Variants in SYCP2L observed in about 807,000 individuals in gnomAD.
SYCP2L encodes the protein synaptonemal complex protein 2 like, also known as synaptonemal complex protein 2-like.
In SYCP2L, 98 loss-of-function variants were observed where a neutral mutation model predicts 125.8. That is an observed-to-expected ratio of 0.78 (90% CI 0.66 to 0.92). The LOEUF is 0.92. Ranked by LOEUF, SYCP2L falls within the 40% of genes least tolerant of loss-of-function variation. The pLI is 0.00. For synonymous variants in SYCP2L, 317 were observed against 325.4 expected (o/e 0.97, Z 0.28); for missense variants, 842 against 936.4 (o/e 0.90, Z 1.32).
At chr6:10,945,639 G>A (rs1362754302) in intron 23 of SYCP2L, among the ~76,000 whole-genome samples, 4 of 151,968 alleles carry the variant, frequency 2.6e-5, no homozygotes, top group Non-Finnish European at 5.9e-5. Context: ...GTGTGATGGT[G>A]CATGCCTGTA....
At chr6:10,892,169 G>C (rs1179787017) in intron 2 of SYCP2L, among the ~76,000 whole-genome samples, 1 of 152,214 alleles carries the variant, frequency 6.6e-6, no homozygotes, top group Admixed American at 6.5e-5. Context: ...AAGGCCCCGA[G>C]GCAAGGAAGA....
At chr6:10,911,955 G>GCC (rs1236588366) in intron 12 of SYCP2L, among the ~76,000 whole-genome samples, 3 of 120,330 alleles carry the variant, frequency 2.5e-5, no homozygotes, top group Non-Finnish European at 3.3e-5. Flanking sequence ...AGGCTGGAGT[G>GCC]CCATCATGTG....
At chr6:10,910,757 G>A (rs1207753421) in intron 11 of SYCP2L, 67 bp from the exon 12 acceptor site, 30 of 1,539,590 alleles carry the variant, frequency 1.9e-5, no homozygotes, top group East Asian at 1.6e-4. Context: ...TGCTTGTTGC[G>A]GAACGTCTGT....
chr6:10,936,129 A>G (rs1486197863), intron 21 of SYCP2L, among the ~76,000 whole-genome samples: 2 of 152,248 alleles, frequency 1.3e-5, no homozygotes, highest in African/African-American at 2.4e-5. Context: ...TTCAATAACA[A>G]TCTGTTAGTG....
rs1166905930 is a variant in SYCP2L, at chr6:10,961,527, C to A, written c.2383C>A (p.Leu795Met). ...LEFWGKQSAD[L>M]QSFCDLQVLR... ...ATTCTGGGGGAAACAGTCTGCTGAT[C>A]TGCAATCTTTCTGTGATCTGCAAGT... The change falls in exon 28 of 30, where the codon CTG becomes ATG. Residue 795 changes from leucine (L) to methionine (M), a missense_variant. Leu to Met is a conservative substitution (Grantham distance 15). Transcript: ENST00000283141. 1 of 1,614,176 alleles carries A rather than the reference C, an allele frequency of 6.2e-7. No homozygotes were observed. The highest frequency in any genetic ancestry group is 2.2e-5 in the East Asian group (1 of 44,880).
intron 25 of SYCP2L, 31 bp downstream of exon 25, chr6:10,956,273 G>A (rs1243136284): frequency 6.7e-7 from 1 of 1,494,634 alleles, no homozygotes; most frequent in Non-Finnish European, 9.3e-7. Flanking sequence ...AAAAACTAGA[G>A]CGTTATGAAT....
chr6:10,923,682 T>C (rs1379432668), intron 14 of SYCP2L, among the ~76,000 whole-genome samples: 4 of 26,234 alleles, frequency 1.5e-4, no homozygotes, highest in African/African-American at 4.0e-4. Context: ...TTTTTCTTTT[T>C]CTTTTTTTTT....
In SYCP2L at chr6:10,962,058, C is replaced by T. The variant is rs147761178; in HGVS notation, c.2414+500C>T. Among the ~76,000 whole-genome samples the T allele has an allele frequency of 7.9e-3, 1,208 of 152,262 alleles. 19 individuals carry two copies. The highest frequency in any genetic ancestry group is 0.027 in the African/African-American group (1,110 of 41,544). On this transcript the variant is annotated intron_variant, in intron 28 of 29. Transcript: ENST00000283141. ...AGCTCTTTCTATCCATTTGGGATAT[C>T]GTCCCATCTTCTGGAGCCCAAGGAA... is the stretch of plus-strand genomic sequence containing the variant.
At chr6:10,947,408 A>G (rs756155622) in intron 23 of SYCP2L, among the ~76,000 whole-genome samples, 1 of 152,042 alleles carries the variant, frequency 6.6e-6, no homozygotes, top group Non-Finnish European at 1.5e-5. Flanking sequence ...AAACCATCCC[A>G]CACAAGAGTA....
chr6:10,912,011 C>T lies in SYCP2L; in HGVS notation c.919-662C>T, dbSNP rs185366089. On this transcript the variant is annotated intron_variant, in intron 12 of 29. Transcript: ENST00000283141. The surrounding 1 kb of genome is among the most constrained non-coding windows in gnomAD (Gnocchi z 4.1). ...CCGCCTCCCGGGTTCATGCCATTCT[C>T]CTGCCTCAGCCTCCCGAGTATACTT... Among the ~76,000 whole-genome samples, 57 of 145,508 alleles carry T rather than the reference C, an allele frequency of 3.9e-4. No individual in the cohort carries two copies. Among genetic ancestry groups the T allele is most frequent in the African/African-American group, 1.3e-3 (52 of 39,442 alleles).
intron 14 of SYCP2L, among the ~76,000 whole-genome samples, chr6:10,914,609 A>G (rs1780659342): frequency 1.4e-4 from 2 of 14,250 alleles, no homozygotes; most frequent in Non-Finnish European, 3.3e-4. Context: ...GATCATTTTC[A>G]TTGATTTTAC....
At chr6:10,905,280 AATT>A (rs931943155) in intron 8 of SYCP2L, among the ~76,000 whole-genome samples, 5 of 151,804 alleles carry the variant, frequency 3.3e-5, no homozygotes, top group Non-Finnish European at 7.4e-5. Flanking sequence ...TACATCTCTA[AATT>A]ATTATTATTA....
At chr6:10,922,029 T>G (rs570790403) in intron 14 of SYCP2L, among the ~76,000 whole-genome samples, 2 of 152,160 alleles carry the variant, frequency 1.3e-5, no homozygotes, top group South Asian at 4.2e-4. Flanking sequence ...GTTTTTTGTT[T>G]GTTTGTTTGT....
chr6:10,906,142 T>G (rs548899078), intron 9 of SYCP2L, 88 bp downstream of exon 9: 2 of 740,564 alleles, frequency 2.7e-6, no homozygotes, highest in Admixed American at 4.5e-5. Flanking sequence ...GGGGAATAAA[T>G]TATGGTTAAA....
chr6:10,938,312 A>G (rs1016694668), intron 21 of SYCP2L, among the ~76,000 whole-genome samples: 4 of 152,234 alleles, frequency 2.6e-5, no homozygotes, highest in African/African-American at 9.6e-5. Context: ...TTAAATTCAT[A>G]GAATCATTTC....
chr6:10,911,894 CT>C (rs58800098), intron 12 of SYCP2L, among the ~76,000 whole-genome samples: 1,816 of 50,074 alleles, frequency 0.036, 93 homozygotes, highest in African/African-American at 0.12. Flanking sequence ...GGAATAAAAG[CT>C]TTTTTTTTTT....
intron 6 of SYCP2L, among the ~76,000 whole-genome samples, chr6:10,901,319 C>T (rs758016045): frequency 1.1e-3 from 174 of 152,264 alleles, no homozygotes; most frequent in Non-Finnish European, 1.9e-3. Flanking sequence ...AGCTTTTCAT[C>T]GTTTGAAGAT....
At position 10,953,049 on chromosome 6, in the gene SYCP2L, GA is replaced by G. The variant is rs554909004; in HGVS notation, c.1955-2065del. Among the ~76,000 whole-genome samples, 465 of 152,222 alleles carry G rather than the reference GA, an allele frequency of 3.1e-3. 1 individual carries two copies. Among genetic ancestry groups the G allele is most frequent in the Non-Finnish European group, 4.9e-3 (336 of 68,012 alleles). ...GCAGAATGGGAATGTGATCTCTAAT[GA>G]ATTTTTCAGTTTATGAAAGTACTAT... is the stretch of plus-strand genomic sequence containing the variant. On this transcript the variant is annotated intron_variant, in intron 23 of 29. Transcript: ENST00000283141.
chr6:10,910,862 A>G lies in SYCP2L; in HGVS notation c.911A>G (p.Glu304Gly). Residue 304 changes from glutamate (E) to glycine (G), a missense_variant, in exon 12 of 30, where the codon GAG (glutamate) becomes GGG (glycine). Physicochemically the swap from Glu to Gly is moderately conservative, Grantham distance 98 (BLOSUM62 -2). Coordinates refer to ENST00000283141, the MANE Select transcript of SYCP2L (RefSeq NM_001040274.3). ...CCGTGTATTGCTGCTTTTGCTGATG[A>G]GCATGAGGTATGTTCATCCCTCTTG... ...SFPCIAAFAD[E>G]HEMRKPADEK... is the part of the protein sequence containing the mutation. 6.2e-7 allele frequency: 1 copy of G among 1,613,954 alleles called. No homozygotes were observed. The highest frequency in any genetic ancestry group is 8.5e-7 in the Non-Finnish European group (1 of 1,179,982).
Sources: gnomAD v4.1 joint callset for allele counts (sites outside exome capture counted in the v4.1 genomes callset) on GRCh38, gnomAD v4.1.1 for gene constraint, Gnocchi (gnomAD v3.1) non-coding constraint, MANE v1.5 for transcripts, NCBI Gene and HGNC (gene_info 2026-07-23, HGNC 2026-07-21) for gene names.